GPM6B: variants seen among roughly 807,000 people sequenced by gnomAD.
The protein encoded by GPM6B is neuronal membrane glycoprotein M6-b.
GPM6B carries 4 observed loss-of-function variants against 27.2 expected under a neutral mutation model. That is an observed-to-expected ratio of 0.15 (90% CI 0.07 to 0.34). The LOEUF is 0.34. Among genes scored for constraint, GPM6B ranks in the 10% least tolerant of loss-of-function variants. The probability of loss-of-function intolerance (pLI) is 1.00; values close to 1 mark genes in which losing one functional copy is unlikely to be tolerated. For synonymous variants in GPM6B, 124 were observed against 103.1 expected (o/e 1.20, Z -1.23); for missense variants, 183 against 261.9 (o/e 0.70, Z 2.08).
At chrX:13,876,928 C>T (rs951888990) in intron 1 of GPM6B, among the ~76,000 whole-genome samples, 15 of 110,743 alleles carry the variant, frequency 1.4e-4, no homozygotes, top group African/African-American at 4.6e-4. Context: ...TCTCAACTCC[C>T]GAATTTGGGG....
chrX:13,840,223 A>T (rs2049556036), intron 1 of GPM6B, among the ~76,000 whole-genome samples: 1 of 111,703 alleles, frequency 9.0e-6, no homozygotes, highest in South Asian at 3.8e-4. Context: ...CCTGTCCTCC[A>T]AGAGGAGTAC....
At chrX:13,791,280 G>A (rs893887280) in intron 2 of GPM6B, among the ~76,000 whole-genome samples, 11 of 108,801 alleles carry the variant, frequency 1.0e-4, no homozygotes, top group African/African-American at 3.7e-4. Flanking sequence ...TGTGATCTCC[G>A]CTCACTGCAG....
At chrX:13,931,350 T>A (rs1363176342) in intron 1 of GPM6B, among the ~76,000 whole-genome samples, 2 of 109,258 alleles carry the variant, frequency 1.8e-5, no homozygotes, top group Non-Finnish European at 3.8e-5. Context: ...TAGCCGGGCA[T>A]GGTGGTGGGC....
chrX:13,816,519 T>C (rs2049237098), intron 1 of GPM6B, among the ~76,000 whole-genome samples: 1 of 111,215 alleles, frequency 9.0e-6, no homozygotes, highest in South Asian at 3.8e-4. Flanking sequence ...GAATATAACA[T>C]GCAGGACACA....
chrX:13,774,219 T>C (rs2048361826), intron 7 of GPM6B: 1 of 771,075 alleles, frequency 1.3e-6, no homozygotes, highest in Non-Finnish European at 1.5e-6. Flanking sequence ...TAACAGAAAA[T>C]GTAAGTATTC....
intron 1 of GPM6B, among the ~76,000 whole-genome samples, chrX:13,878,532 A>C (rs1424411299): frequency 8.9e-6 from 1 of 111,967 alleles, no homozygotes; most frequent in Non-Finnish European, 1.9e-5. Flanking sequence ...GTAATGCTCA[A>C]GGAGAGCCTT....
At chrX:13,902,908 G>A (rs926428198) in intron 1 of GPM6B, among the ~76,000 whole-genome samples, 10 of 111,859 alleles carry the variant, frequency 8.9e-5, no homozygotes, top group Non-Finnish European at 1.9e-4. Flanking sequence ...GAGACTCAAC[G>A]AAAGAGGACC....
At chrX:13,774,337 C>CA in intron 7 of GPM6B, 1 of 989,616 alleles carries the variant, frequency 1.0e-6, no homozygotes, top group Non-Finnish European at 1.3e-6. Flanking sequence ...GAATCCTTTT[C>CA]AAAATGTGGA....
chrX:13,838,051 G>A (rs2049525883), intron 1 of GPM6B, among the ~76,000 whole-genome samples: 1 of 108,770 alleles, frequency 9.2e-6, no homozygotes, highest in Non-Finnish European at 1.9e-5. Flanking sequence ...TAAATACTTA[G>A]TAAGGGGCAA....
In GPM6B at chrX:13,871,726, T is replaced by A. The variant is rs769043120; in HGVS notation, c.-198+66601A>T. Among the ~76,000 whole-genome samples the A allele has an allele frequency of 6.2e-5, 7 of 112,582 alleles. No individual in the cohort carries two copies. In the South Asian group the frequency reaches 2.2e-3, roughly 35 times the overall value. On this transcript the variant is annotated intron_variant, in intron 1 of 6. Coordinates refer to the GPM6B transcript ENST00000398361. ...GCTACTTGTACTTTGTTAAGTCAGTTCCTCAGCTGCACAAGCCCTATTTCA... is the reference window on the plus strand; with the variant it reads ...GCTACTTGTACTTTGTTAAGTCAGTACCTCAGCTGCACAAGCCCTATTTCA...
chrX:13,844,504 G>A (rs113982898), intron 1 of GPM6B, among the ~76,000 whole-genome samples: 1,298 of 112,355 alleles, frequency 0.012, 24 homozygotes, highest in African/African-American at 0.039. Context: ...ACAGCCAAAT[G>A]TCCCATTTAA....
intron 2 of GPM6B, among the ~76,000 whole-genome samples, chrX:13,802,392 C>G (rs186421466): frequency 3.6e-5 from 4 of 111,277 alleles, no homozygotes; most frequent in African/African-American, 1.3e-4. Context: ...GACCAAAAGA[C>G]AAAGGGAGCT....
At chrX:13,789,842 TTTTTG>T (rs376965111) in intron 2 of GPM6B, among the ~76,000 whole-genome samples, 8 of 111,048 alleles carry the variant, frequency 7.2e-5, no homozygotes, top group Admixed American at 3.8e-4. Flanking sequence ...CTGCGTTTTT[TTTTTG>T]TTTTGTTTTG....
intron 1 of GPM6B, among the ~76,000 whole-genome samples, chrX:13,914,704 T>C (rs984200074): frequency 1.2e-4 from 14 of 112,430 alleles, no homozygotes; most frequent in African/African-American, 3.9e-4. Context: ...CAAATCTATA[T>C]TGTAGCTAAC....
intron 1 of GPM6B, among the ~76,000 whole-genome samples, chrX:13,910,829 G>A (rs778008171): frequency 8.9e-6 from 1 of 112,642 alleles, no homozygotes; most frequent in Admixed American, 9.4e-5. Flanking sequence ...AAGCTACCAT[G>A]TGGCACATTT....
intron 5 of GPM6B, among the ~76,000 whole-genome samples, chrX:13,778,843 TC>T (rs1475194007): frequency 8.9e-6 from 1 of 112,350 alleles, no homozygotes; most frequent in Non-Finnish European, 1.9e-5. Context: ...ACAGTGTTGT[TC>T]AGCCTTGGTC....
chrX:13,841,706 C>T (rs915211581), intron 1 of GPM6B, among the ~76,000 whole-genome samples: 2 of 111,518 alleles, frequency 1.8e-5, no homozygotes, highest in Non-Finnish European at 3.8e-5. Context: ...CACTTCAAAT[C>T]ACAGGCCAAG....
chrX:13,862,090 A>G (rs887969607), intron 1 of GPM6B, among the ~76,000 whole-genome samples: 48 of 111,088 alleles, frequency 4.3e-4, no homozygotes, highest in African/African-American at 1.4e-3. Context: ...GTGTAGTGAC[A>G]GGGTCATGGA....
intron 1 of GPM6B, among the ~76,000 whole-genome samples, chrX:13,933,746 G>A (rs1921693122): frequency 9.0e-6 from 1 of 111,364 alleles, no homozygotes; most frequent in African/African-American, 3.3e-5. Context: ...GAGTGGGGTA[G>A]GTGATATAAA....
Sources: allele counts gnomAD v4.1 joint callset (sites outside exome capture counted in the v4.1 genomes callset), GRCh38; gene constraint gnomAD v4.1.1; transcripts MANE v1.5; gene names NCBI Gene and HGNC (gene_info 2026-07-23, HGNC 2026-07-21).